SLC12A8: variants seen among roughly 807,000 people sequenced by gnomAD.
SLC12A8 encodes the protein solute carrier family 12 member 8, also known as cation-chloride cotransporter 9.
SLC12A8 carries 69 observed loss-of-function variants against 75.6 expected under a neutral mutation model. The ratio of observed to expected loss-of-function variants is 0.91; its 90% CI spans 0.75 to 1.11. The LOEUF is 1.11. Among genes scored for constraint, SLC12A8 ranks in the 50% most tolerant of loss-of-function variants. SLC12A8 has a pLI of 0.00. For missense variants in SLC12A8, 877 were observed against 896.7 expected, an observed-to-expected ratio of 0.98 and a Z score of 0.28; for synonymous variants, 365 against 372.8, an observed-to-expected ratio of 0.98 and a Z score of 0.24.
At chr3:125,206,449 T>C (rs952231692) in intron 2 of SLC12A8, among the ~76,000 whole-genome samples, 2 of 152,306 alleles carry the variant, frequency 1.3e-5, no homozygotes, top group Non-Finnish European at 2.9e-5. Context: ...CCAGAAGATC[T>C]CTGAGGACTC....
chr3:125,107,632 C>A lies in SLC12A8; in HGVS notation c.1554G>T (p.Glu518Asp). The stretch of plus-strand genomic sequence containing the variant: ...AGGCAGCGGGCAACCTGTCAGAGAT[C>A]TCGACAGGGAAAGAAGGAGGGGATT... ...DLKSPPSFPVEISDRLPAASW... is the reference protein window; with the variant it reads ...DLKSPPSFPVDISDRLPAASW... The change falls in exon 10 of 14, where the codon GAG becomes GAT. Residue 518 changes from glutamate to aspartate, a missense_variant. By Grantham distance (45) the Glu-to-Asp change is conservative. Coordinates refer to ENST00000469902, the MANE Select transcript of SLC12A8 (RefSeq NM_024628.6). The A allele has an allele frequency of 6.2e-7, 1 of 1,614,182 alleles. No individual in the cohort carries two copies. The highest frequency in any genetic ancestry group is 8.5e-7 in the Non-Finnish European group (1 of 1,180,032).
At chr3:125,089,392 T>A (rs779756843) in intron 12 of SLC12A8, among the ~76,000 whole-genome samples, 26 of 152,294 alleles carry the variant, frequency 1.7e-4, no homozygotes, top group Admixed American at 5.2e-4. Flanking sequence ...GAATTTTAGA[T>A]GGACATTGGC....
chr3:125,185,360 A>T (rs76071966), intron 4 of SLC12A8, among the ~76,000 whole-genome samples: 1 of 126,226 alleles, frequency 7.9e-6, no homozygotes, highest in Non-Finnish European at 1.8e-5. Context: ...TTCCCAGATT[A>T]AAAAAAAAAA....
chr3:125,207,920 T>A (rs867969701), intron 2 of SLC12A8, among the ~76,000 whole-genome samples: 6 of 152,260 alleles, frequency 3.9e-5, no homozygotes, highest in African/African-American at 1.2e-4. Flanking sequence ...AGAGAGGCAC[T>A]GGCCCAGACC....
intron 3 of SLC12A8, among the ~76,000 whole-genome samples, chr3:125,189,608 C>T (rs1464655857): frequency 6.6e-6 from 1 of 152,186 alleles, no homozygotes; most frequent in Non-Finnish European, 1.5e-5. Context: ...GGGCCCAGGC[C>T]ATGTCTTGTC....
chr3:125,133,918 T>G (rs1172214919), intron 6 of SLC12A8, among the ~76,000 whole-genome samples: 2 of 152,156 alleles, frequency 1.3e-5, no homozygotes, highest in African/African-American at 4.8e-5. Flanking sequence ...TGCACTTTAG[T>G]AATCCCTCCT....
chr3:125,199,048 G>A (rs923786987), intron 2 of SLC12A8, among the ~76,000 whole-genome samples: 1 of 152,110 alleles, frequency 6.6e-6, no homozygotes, highest in Non-Finnish European at 1.5e-5. Context: ...AAAGTGCTGG[G>A]ATTATAGGCG....
intron 5 of SLC12A8, among the ~76,000 whole-genome samples, chr3:125,166,014 T>C (rs1454363010): frequency 6.6e-6 from 1 of 152,220 alleles, no homozygotes; most frequent in Non-Finnish European, 1.5e-5. Flanking sequence ...ATGCCTCTTC[T>C]GGTAAATTAA....
intron 4 of SLC12A8, among the ~76,000 whole-genome samples, chr3:125,181,888 G>A (rs1285035155): frequency 2.0e-5 from 3 of 152,010 alleles, no homozygotes; most frequent in Non-Finnish European, 4.4e-5. Context: ...ACAGAGGAGA[G>A]TAAAGAATGA....
At chr3:125,168,787 G>A (rs1267692971) in intron 5 of SLC12A8, among the ~76,000 whole-genome samples, 1 of 152,196 alleles carries the variant, frequency 6.6e-6, no homozygotes, top group Non-Finnish European at 1.5e-5. Context: ...AGGCATGCTT[G>A]CCCCATCCCT....
At chr3:125,106,407 G>A (rs951175870) in intron 10 of SLC12A8, among the ~76,000 whole-genome samples, 2 of 151,774 alleles carry the variant, frequency 1.3e-5, no homozygotes, top group Non-Finnish European at 2.9e-5. Context: ...CTGTCACCCA[G>A]GCTGGAGTGC....
At position 125,121,157 on chromosome 3, in the gene SLC12A8, G is replaced by A. The variant is rs2107751309; in HGVS notation, c.737-471C>T. The stretch of plus-strand genomic sequence containing the variant: ...GTCAGGTACCATCCTCCAAGCCCCT[G>A]AGCTACCAAAGGGCTTGAAATAAAC... On this transcript the variant is annotated intron_variant, in intron 6 of 13. Transcript: ENST00000469902. Among the ~76,000 whole-genome samples the A allele has an allele frequency of 1.3e-5, 2 of 152,282 alleles. 1 individual carries two copies. Among genetic ancestry groups the A allele is most frequent in the South Asian group, 4.1e-4 (2 of 4,820 alleles).
In SLC12A8 at chr3:125,092,115, C is replaced by T. The variant is rs373528909; in HGVS notation, c.1789G>A (p.Val597Ile). 87 of 1,611,926 alleles carry T rather than the reference C, an allele frequency of 5.4e-5. No homozygotes were observed. In the African/African-American group the frequency reaches 9.1e-4, roughly 17 times the overall value. ...AAGTTACTCACCCCCAACAGGGAGA[C>T]CCAGGGGTTGCACATGTGGGTATAG... ...SFYTHMCNPWVSLLGAVGSLL... is the reference protein window; with the variant it reads ...SFYTHMCNPWISLLGAVGSLL... Residue 597 changes from valine (V) to isoleucine (I), a missense_variant, in exon 11 of 14, where the codon GTC becomes ATC. Val to Ile is a conservative substitution (Grantham distance 29). Coordinates refer to ENST00000469902, the MANE Select transcript of SLC12A8 (RefSeq NM_024628.6).
chr3:125,116,365 T>C (rs567587073), intron 8 of SLC12A8, among the ~76,000 whole-genome samples: 9 of 152,198 alleles, frequency 5.9e-5, no homozygotes, highest in Admixed American at 5.9e-4. Context: ...AATCTCCACA[T>C]TTCATCCCAG....
intron 2 of SLC12A8, among the ~76,000 whole-genome samples, chr3:125,201,650 G>A (rs115210195): frequency 0.027 from 4,039 of 146,942 alleles, 73 homozygotes; most frequent in South Asian, 0.046. Context: ...GCATGCACCT[G>A]TGGTCCCAGC....
At chr3:125,145,422 A>G (rs1933749352) in intron 5 of SLC12A8, among the ~76,000 whole-genome samples, 1 of 152,264 alleles carries the variant, frequency 6.6e-6, no homozygotes, top group Non-Finnish European at 1.5e-5. Context: ...AGATGAATGG[A>G]TAAACAAAAT....
At chr3:125,201,015 T>C (rs984642597) in intron 2 of SLC12A8, among the ~76,000 whole-genome samples, 1 of 152,184 alleles carries the variant, frequency 6.6e-6, no homozygotes, top group Admixed American at 6.5e-5. Context: ...ATGCTAGAAT[T>C]TTTACACAGG....
chr3:125,116,456 C>T (rs1262511629), intron 8 of SLC12A8, among the ~76,000 whole-genome samples: 1 of 152,200 alleles, frequency 6.6e-6, no homozygotes, highest in Non-Finnish European at 1.5e-5. Context: ...GCTTGCCTAC[C>T]TGCTCATTGT....
intron 10 of SLC12A8, among the ~76,000 whole-genome samples, chr3:125,103,440 A>G (rs1439892056): frequency 6.8e-6 from 1 of 147,856 alleles, no homozygotes; most frequent in East Asian, 2.0e-4. Context: ...TCTTCTAAAC[A>G]GTTTTTTAGT....
Sources: gnomAD v4.1 joint callset for allele counts (sites outside exome capture counted in the v4.1 genomes callset) on GRCh38, gnomAD v4.1.1 for gene constraint, MANE v1.5 for transcripts, NCBI Gene and HGNC (gene_info 2026-07-23, HGNC 2026-07-21) for gene names.